The following RBMXL1 variants were observed in gnomAD, a reference collection of about 807,000 sequenced individuals.
RBMXL1 encodes the protein RBMX like 1.
In RBMXL1, 18 loss-of-function variants were observed where a neutral mutation model predicts 29.0. The ratio of observed to expected loss-of-function variants is 0.62; its 90% CI spans 0.43 to 0.92. The LOEUF (loss-of-function observed/expected upper bound fraction) is 0.92. Ranked by LOEUF, RBMXL1 falls within the 40% of genes least tolerant of loss-of-function variation. RBMXL1 has a pLI of 0.00. For missense variants in RBMXL1, 403 were observed against 495.8 expected, an observed-to-expected ratio of 0.81 and a Z score of 1.78; for synonymous variants, 141 against 170.4, an observed-to-expected ratio of 0.83 and a Z score of 1.34.
Position 88,983,384 on chromosome 1 carries a change from G to A in RBMXL1, c.443C>T (p.Pro148Leu). The A allele has an allele frequency of 6.2e-7, 1 of 1,614,210 alleles. No individual in the cohort carries two copies. Among genetic ancestry groups the A allele is most frequent in the Non-Finnish European group, 8.5e-7 (1 of 1,180,030 alleles). The change falls in exon 3 of 3, where the codon CCA becomes CTA. Residue 148 changes from proline (P) to leucine (L), a missense_variant. Physicochemically the swap from Pro to Leu is moderately conservative, Grantham distance 98 (BLOSUM62 -3). Coordinates refer to ENST00000652648, the MANE Select transcript of RBMXL1 (RefSeq NM_001162536.3). ...FNMSSSRGPL[P>L]VKRGPPPRSG... ...TCTTGGTGGTGGTCCTCTTTTTACT[G>A]GGAGTGGTCCCCTGGAAGAACTCAT... is the stretch of plus-strand genomic sequence containing the variant.
Position 88,988,262 on chromosome 1 carries a change from G to T in RBMXL1, c.-251C>A. The T allele has an allele frequency of 6.2e-7, 1 of 1,611,416 alleles. No individual in the cohort carries two copies. Among genetic ancestry groups the T allele is most frequent in the South Asian group, 1.1e-5 (1 of 90,930 alleles). Reference sequence around the variant, plus strand: ...GTAAGCAATACCTACAGCAGAAGTAGAGAATCCGAGGATTTTGGAAGAAGA... The same window carrying T: ...GTAAGCAATACCTACAGCAGAAGTATAGAATCCGAGGATTTTGGAAGAAGA... On this transcript the variant is annotated 5_prime_UTR_variant, in exon 2 of 3. Transcript: ENST00000652648.
chr1:88,983,135 G>A lies in RBMXL1; in HGVS notation c.692C>T (p.Thr231Ile), dbSNP rs762284223. ...TCGTGGTGGTGGTGCATAATCTCTT[G>A]TATCACGAGAACTTGGGTAATCTCT... ...SSRDYPSSRDTRDYAPPPRDY... is the reference protein window; with the variant it reads ...SSRDYPSSRDIRDYAPPPRDY... The change falls in exon 3 of 3, where the codon ACA becomes ATA. Residue 231 changes from threonine (T) to isoleucine (I), a missense_variant. Transcript: ENST00000652648. 6.2e-6 allele frequency: 10 copies of A among 1,612,358 alleles called. No individual in the cohort carries two copies. Among genetic ancestry groups the A allele is most frequent in the Middle Eastern group, 4.3e-4 (2 of 4,688 alleles).
chr1:88,992,065 G>A (rs1333991621), intron 1 of RBMXL1, among the ~76,000 whole-genome samples: 3 of 149,056 alleles, frequency 2.0e-5, no homozygotes, highest in Non-Finnish European at 4.4e-5. Context: ...TGCAAGCTCC[G>A]CCTCCCGGGT....
chr1:88,991,243 G>A (rs1274904586), intron 1 of RBMXL1, among the ~76,000 whole-genome samples: 1 of 152,178 alleles, frequency 6.6e-6, no homozygotes, highest in Non-Finnish European at 1.5e-5. Context: ...AGACAAGCCC[G>A]TCAAAATAAA....
In RBMXL1 at chr1:88,979,577, C is replaced by T. The variant is rs897663758; in HGVS notation, c.*3077G>A. On this transcript the variant is annotated 3_prime_UTR_variant, in exon 3 of 3. Transcript: ENST00000652648. ...CACTTCACAGAAAATATACAACTGG[C>T]CAAAAAGTACCTTAAAAGATGCTTA... The T allele has an allele frequency of 6.6e-6, 1 of 151,928 alleles. No homozygotes were observed. The highest frequency in any genetic ancestry group is 6.6e-5 in the Admixed American group (1 of 15,252). The allele number at this position is 151,928 out of a possible 1,614,324, so 9.4% of individuals were successfully genotyped here.
chr1:88,982,278 T>G lies in RBMXL1; in HGVS notation c.*376A>C, dbSNP rs1190151135. The G allele has an allele frequency of 1.7e-5, 11 of 666,524 alleles. No individual in the cohort carries two copies. The highest frequency in any genetic ancestry group is 7.5e-4 in the Middle Eastern group (1 of 1,342). 41.3% of individuals were successfully genotyped at this position (666,524 alleles called of 1,614,324 possible). ...AGCTTGTTTGTATAGGCAGAATGAT[T>G]CATCTCTCCATTTTAGTTGGCTAGA... is the stretch of plus-strand genomic sequence containing the variant. On this transcript the variant is annotated 3_prime_UTR_variant, in exon 3 of 3. Transcript: ENST00000652648.
In RBMXL1 at chr1:88,984,024, T is replaced by C. The variant is rs1677285914; in HGVS notation, c.-198A>G. On this transcript the variant is annotated 5_prime_UTR_variant, in exon 3 of 3. Coordinates refer to ENST00000652648, the MANE Select transcript of RBMXL1 (RefSeq NM_001162536.3). ...CCATTCAAAAAACCAGGAAAATTAC[T>C]TTCTTTTGCCACTAGATGGCAGAGG... 1 of 497,208 alleles carries C rather than the reference T, an allele frequency of 2.0e-6. No individual in the cohort carries two copies. The highest frequency in any genetic ancestry group is 3.8e-6 in the Non-Finnish European group (1 of 266,220). The allele number at this position is 497,208 out of a possible 1,614,324, so 30.8% of individuals were successfully genotyped here.
At chr1:88,991,176 G>A (rs1677773935) in intron 1 of RBMXL1, among the ~76,000 whole-genome samples, 1 of 152,190 alleles carries the variant, frequency 6.6e-6, no homozygotes, top group Non-Finnish European at 1.5e-5. Flanking sequence ...ATTTGGGGGT[G>A]GCCCGAAGCT....
intron 2 of RBMXL1, among the ~76,000 whole-genome samples, chr1:88,986,172 A>G (rs973396606): frequency 2.1e-5 from 3 of 139,650 alleles, no homozygotes; most frequent in African/African-American, 7.5e-5. Context: ...CAAGAGTGAG[A>G]GACTGTATGA....
Position 88,984,095 on chromosome 1 carries a change from A to T in RBMXL1, c.-240-29T>A. ...TAATGGTGGAAGAAATGAAAGTAAA[A>T]CTCAGAAGTGGAAATGTAAAGCAGG... On this transcript the variant is annotated intron_variant, in intron 2 of 2. Coordinates refer to ENST00000652648, the MANE Select transcript of RBMXL1 (RefSeq NM_001162536.3). 6.2e-6 allele frequency: 3 copies of T among 482,412 alleles called. No homozygotes were observed. The East Asian group carries it at 1.1e-4, about 17-fold the overall frequency. The allele number at this position is 482,412 out of a possible 1,614,324, so 29.9% of individuals were successfully genotyped here.
At chr1:88,991,361 T>G (rs551166042) in intron 1 of RBMXL1, among the ~76,000 whole-genome samples, 6 of 152,320 alleles carry the variant, frequency 3.9e-5, no homozygotes, top group South Asian at 2.1e-4. Context: ...CCAGAACATC[T>G]GGGTTAACTG....
chr1:88,989,513 C>A (rs1242127966), intron 1 of RBMXL1, among the ~76,000 whole-genome samples: 1 of 152,126 alleles, frequency 6.6e-6, no homozygotes, highest in African/African-American at 2.4e-5. Context: ...CATAAAGATA[C>A]AATGGAATTT....
At position 88,983,931 on chromosome 1, in the gene RBMXL1, TAGG is replaced by T. The variant is rs1038234555; in HGVS notation, c.-108_-106del. On this transcript the variant is annotated 5_prime_UTR_variant, in exon 3 of 3. Transcript: ENST00000652648. ...CTCAGCACCAGTGGCGGCTGTCAGT[TAGG>T]AGGACTGAACCGCGAAGCCGCTAGC... The T allele has an allele frequency of 2.5e-6, 3 of 1,204,038 alleles. No individual in the cohort carries two copies. Among genetic ancestry groups the T allele is most frequent in the Non-Finnish European group, 3.6e-6 (3 of 823,308 alleles). The allele number at this position is 1,204,038 out of a possible 1,614,324, so 74.6% of individuals were successfully genotyped here. A position where few individuals can be genotyped will look rare whatever the true frequency, so the allele number is the denominator to read the frequency against.
In RBMXL1 at chr1:88,990,822, G is replaced by A. The variant is rs530289325; in HGVS notation, c.-341+1763C>T. 5.2e-4 allele frequency among the ~76,000 whole-genome samples: 79 copies of A among 152,234 alleles called. 1 individual carries two copies. The highest frequency in any genetic ancestry group is 3.4e-3 in the Middle Eastern group (1 of 294). ...ACATCTGCATTTTATTAAGTATTTTGAGCAGCATTTTCTAATGCAATCAAC... is the reference window on the plus strand; with the variant it reads ...ACATCTGCATTTTATTAAGTATTTTAAGCAGCATTTTCTAATGCAATCAAC... On this transcript the variant is annotated intron_variant, in intron 1 of 2. Coordinates refer to ENST00000652648, the MANE Select transcript of RBMXL1 (RefSeq NM_001162536.3).
At position 88,984,040 on chromosome 1, in the gene RBMXL1, A is replaced by G. The variant is rs1570843797; in HGVS notation, c.-214T>C. The stretch of plus-strand genomic sequence containing the variant: ...GAAAATTACTTTCTTTTGCCACTAG[A>G]TGGCAGAGGAAAACAACAGAATGTT... On this transcript the variant is annotated 5_prime_UTR_variant, in exon 3 of 3. Coordinates refer to ENST00000652648, the MANE Select transcript of RBMXL1 (RefSeq NM_001162536.3). 2 of 472,062 alleles carry G rather than the reference A, an allele frequency of 4.2e-6. No individual in the cohort carries two copies. Among genetic ancestry groups the G allele is most frequent in the Non-Finnish European group, 8.1e-6 (2 of 247,054 alleles). 29.2% of individuals were successfully genotyped at this position (472,062 alleles called of 1,614,324 possible).
chr1:88,985,045 C>T (rs548030980), intron 2 of RBMXL1, among the ~76,000 whole-genome samples: 6 of 152,264 alleles, frequency 3.9e-5, no homozygotes, highest in Admixed American at 3.9e-4. Flanking sequence ...TATATTTTAA[C>T]AATTACTTCA....
chr1:88,986,656 A>T (rs1410252435), intron 2 of RBMXL1, among the ~76,000 whole-genome samples: 1 of 152,154 alleles, frequency 6.6e-6, no homozygotes, highest in Non-Finnish European at 1.5e-5. Context: ...TGTTTTTGTA[A>T]AAAAGCAAGT....
Position 88,983,525 on chromosome 1 carries a change from C to G in RBMXL1, c.302G>C (p.Arg101Thr), listed in dbSNP as rs1357137773. ...RGRHGPPPPP[R>T]SRGPPRGFGA... ...AAAACCTCTTGGAGGACCTCTACTTCTTGGAGGTGGGGGCGGTCCATGTCT... is the reference window on the plus strand; with the variant it reads ...AAAACCTCTTGGAGGACCTCTACTTGTTGGAGGTGGGGGCGGTCCATGTCT... The change falls in exon 3 of 3, where the codon AGA (arginine) becomes ACA (threonine). Residue 101 changes from arginine (R) to threonine (T), a missense_variant. Coordinates refer to ENST00000652648, the MANE Select transcript of RBMXL1 (RefSeq NM_001162536.3). The G allele has an allele frequency of 6.2e-7, 1 of 1,614,080 alleles. No individual in the cohort carries two copies. The highest frequency in any genetic ancestry group is 8.5e-7 in the Non-Finnish European group (1 of 1,180,042).
At chr1:88,987,673 G>C (rs1677541420) in intron 2 of RBMXL1, among the ~76,000 whole-genome samples, 1 of 152,048 alleles carries the variant, frequency 6.6e-6, no homozygotes, top group Non-Finnish European at 1.5e-5. Flanking sequence ...AGTAACTTTA[G>C]AATAAATCTT....
Sources: allele counts gnomAD v4.1 joint callset (sites outside exome capture counted in the v4.1 genomes callset), GRCh38; gene constraint gnomAD v4.1.1; transcripts MANE v1.5; gene names NCBI Gene and HGNC (gene_info 2026-07-23, HGNC 2026-07-21).